DNAH7: variants seen among roughly 807,000 people sequenced by gnomAD.
DNAH7 encodes the protein dynein axonemal heavy chain 7, also known as axonemal beta dynein heavy chain 7.
DNAH7 carries 397 observed loss-of-function variants against 444.6 expected under a neutral mutation model. The ratio of observed to expected loss-of-function variants is 0.89; its 90% confidence interval spans 0.82 to 0.97. The LOEUF is 0.97. DNAH7 is among the 50% of genes least tolerant of loss of function. The probability of loss-of-function intolerance (pLI) is 0.00; values close to 1 mark genes in which losing one functional copy is unlikely to be tolerated. For synonymous variants in DNAH7, 1,636 were observed against 1,624.4 expected, an observed-to-expected ratio of 1.01 and a Z score of -0.17; for missense variants, 4,902 against 4,800.8, an observed-to-expected ratio of 1.02 and a Z score of -0.62.
At chr2:195,923,438 T>C (rs767624750) in intron 23 of DNAH7, among the ~76,000 whole-genome samples, 157 bp downstream of exon 23, 3 of 152,210 alleles carry the variant, frequency 2.0e-5, no homozygotes, top group Non-Finnish European at 4.4e-5. Context: ...ATCAGCAGCT[T>C]AATCTTCAAT....
At chr2:195,938,432 A>G (rs1334304935) in intron 19 of DNAH7, among the ~76,000 whole-genome samples, 1 of 151,886 alleles carries the variant, frequency 6.6e-6, no homozygotes, top group Non-Finnish European at 1.5e-5. Flanking sequence ...CTAAATCCAA[A>G]TATCAAAATA....
chr2:196,041,757 G>A (rs992253810), intron 5 of DNAH7, among the ~76,000 whole-genome samples: 4 of 151,882 alleles, frequency 2.6e-5, no homozygotes, highest in African/African-American at 7.2e-5. Flanking sequence ...ACAGAATGAA[G>A]AGAAAACCCA....
At chr2:195,987,035 A>G (rs1229010251) in intron 14 of DNAH7, 31 bp downstream of exon 14, 9 of 1,544,252 alleles carry the variant, frequency 5.8e-6, no homozygotes, top group East Asian at 2.3e-5. Flanking sequence ...TCCCCTCCCA[A>G]AAAATAAAAA....
rs750250633 is a variant in DNAH7, at chr2:195,796,632, G to A, written c.10459C>T (p.Leu3487Phe). Reference sequence around the variant, plus strand: ...GAGGTGGCAAGGTGACAATTCTGAAGAACAACCCATGTTCCTTCCTTGACA... The same window carrying A: ...GAGGTGGCAAGGTGACAATTCTGAAAAACAACCCATGTTCCTTCCTTGACA... ...KAVKEGTWVV[L>F]QNCHLATSWM... The change falls in exon 56 of 65, where the codon CTT becomes TTT. Residue 3487 changes from leucine (L) to phenylalanine (F), a missense_variant. By Grantham distance (22) the Leu-to-Phe change is conservative. Coordinates refer to ENST00000312428, the MANE Select transcript of DNAH7 (RefSeq NM_018897.3). 1 of 1,614,140 alleles carries A rather than the reference G, an allele frequency of 6.2e-7. No individual in the cohort carries two copies. The highest frequency in any genetic ancestry group is 1.7e-5 in the Admixed American group (1 of 60,018).
intron 61 of DNAH7, among the ~76,000 whole-genome samples, chr2:195,767,892 G>A (rs1339609213): frequency 6.6e-6 from 1 of 151,810 alleles, no homozygotes; most frequent in African/African-American, 2.4e-5. Context: ...GCAACGGAAT[G>A]AAATATTTGA....
At chr2:195,929,189 G>A (rs1003904234) in intron 21 of DNAH7, among the ~76,000 whole-genome samples, 1 of 152,000 alleles carries the variant, frequency 6.6e-6, no homozygotes, top group African/African-American at 2.4e-5. Flanking sequence ...ATCTCTACAA[G>A]GAGAACTACA....
At chr2:195,750,029 T>A (rs865914598) in intron 63 of DNAH7, among the ~76,000 whole-genome samples, 7 of 152,072 alleles carry the variant, frequency 4.6e-5, no homozygotes, top group Middle Eastern at 6.8e-3. Flanking sequence ...ATAAATAAAT[T>A]AAGCCTGGAC....
intron 46 of DNAH7, among the ~76,000 whole-genome samples, chr2:195,846,581 TGATTG>T (rs1422699688): frequency 6.6e-6 from 1 of 152,120 alleles, no homozygotes; most frequent in African/African-American, 2.4e-5. Flanking sequence ...AATGTCAACT[TGATTG>T]GATTGAAGGA....
intron 40 of DNAH7, 95 bp downstream of exon 40, chr2:195,872,155 G>T: frequency 2.0e-6 from 2 of 1,001,618 alleles, no homozygotes; most frequent in Non-Finnish European, 3.0e-6. Context: ...ATATATTTCA[G>T]CAATATAAAT....
At chr2:195,942,295 G>T (rs920399092) in intron 19 of DNAH7, among the ~76,000 whole-genome samples, 1 of 151,962 alleles carries the variant, frequency 6.6e-6, no homozygotes, top group Admixed American at 6.6e-5. Context: ...CCAGAAGAGG[G>T]TCCAACCAGT....
chr2:195,788,238 G>T (rs533783162), intron 57 of DNAH7, among the ~76,000 whole-genome samples: 1 of 152,156 alleles, frequency 6.6e-6, no homozygotes, highest in Non-Finnish European at 1.5e-5. Flanking sequence ...CACACACTTG[G>T]AGCTGAGCAG....
chr2:195,765,778 G>A (rs1450612758), intron 61 of DNAH7, among the ~76,000 whole-genome samples: 5 of 152,148 alleles, frequency 3.3e-5, no homozygotes, highest in African/African-American at 9.7e-5. Flanking sequence ...CACTGTTGGT[G>A]AGAATGTAAA....
intron 37 of DNAH7, 26 bp from the exon 38 acceptor site, chr2:195,875,869 A>C (rs753091138): frequency 2.5e-6 from 4 of 1,576,402 alleles, no homozygotes; most frequent in Non-Finnish European, 3.4e-6. Flanking sequence ...GAAGAGGTAC[A>C]GAAAATATTA....
chr2:195,905,257 A>G (rs1467450868), intron 27 of DNAH7: 2 of 152,216 alleles, frequency 1.3e-5, no homozygotes, highest in East Asian at 3.8e-4. Context: ...TGAATAACAT[A>G]GCGAACAAAT....
intron 19 of DNAH7, among the ~76,000 whole-genome samples, chr2:195,943,263 T>G (rs896346278): frequency 2.6e-5 from 4 of 152,124 alleles, no homozygotes; most frequent in African/African-American, 9.7e-5. Context: ...ATAGAGCAAA[T>G]TAATCTTCAA....
At chr2:195,926,302 GC>G (rs981890315) in intron 22 of DNAH7, 123 bp downstream of exon 22, 2 of 850,298 alleles carry the variant, frequency 2.4e-6, no homozygotes, top group Non-Finnish European at 3.2e-6. Context: ...CTGTAATTTG[GC>G]TTGCAGCATA....
chr2:196,035,951 C>A (rs1696354606), intron 5 of DNAH7, among the ~76,000 whole-genome samples: 1 of 151,968 alleles, frequency 6.6e-6, no homozygotes, highest in African/African-American at 2.4e-5. Context: ...CATAGCACTG[C>A]ACCATTTTGA....
At chr2:195,989,705 G>GT (rs1693169622) in intron 12 of DNAH7, among the ~76,000 whole-genome samples, 1 of 152,096 alleles carries the variant, frequency 6.6e-6, no homozygotes, top group South Asian at 2.1e-4. Flanking sequence ...ATTCCTCATG[G>GT]TTTGGTTCTG....
At chr2:195,919,247 A>T (rs2125337964) in intron 24 of DNAH7, among the ~76,000 whole-genome samples, 1 of 152,038 alleles carries the variant, frequency 6.6e-6, no homozygotes, top group Non-Finnish European at 1.5e-5. Flanking sequence ...AAAAAAAAAA[A>T]AAAAAGATGT....
Sources: allele counts gnomAD v4.1 joint callset (sites outside exome capture counted in the v4.1 genomes callset), GRCh38; gene constraint gnomAD v4.1.1; transcripts MANE v1.5; gene names NCBI Gene and HGNC (gene_info 2026-07-23, HGNC 2026-07-21).